Variants in LRP1B observed in about 807,000 individuals in gnomAD.
LRP1B encodes LDL receptor related protein 1B.
A neutral mutation model predicts 556.6 loss-of-function variants in LRP1B; 217 were observed. The observed-to-expected ratio is 0.39, with a 90% CI of 0.35 to 0.44. The LOEUF (loss-of-function observed/expected upper bound fraction) is 0.44. LRP1B is among the 20% of genes least tolerant of loss of function. The pLI is 1.00. For missense variants in LRP1B, 5,053 were observed against 5,620.8 expected, an observed-to-expected ratio of 0.90 and a Z score of 3.23; for synonymous variants, 2,047 against 1,865.8, an observed-to-expected ratio of 1.10 and a Z score of -2.50.
intron 1 of LRP1B, among the ~76,000 whole-genome samples, chr2:141,960,100 G>A (rs2105052436): frequency 6.6e-6 from 1 of 152,000 alleles, no homozygotes; most frequent in Non-Finnish European, 1.5e-5. Context: ...ATGTGTTGTA[G>A]GGCTTCATAA....
At chr2:140,820,985 C>CT (rs1173885712) in intron 31 of LRP1B, among the ~76,000 whole-genome samples, 1 of 147,948 alleles carries the variant, frequency 6.8e-6, no homozygotes, top group Non-Finnish European at 1.5e-5. Context: ...GGTTACAATT[C>CT]TTTTTTCTAA....
At chr2:140,397,575 T>C (rs777146471) in intron 66 of LRP1B, among the ~76,000 whole-genome samples, 2 of 152,196 alleles carry the variant, frequency 1.3e-5, no homozygotes, top group Non-Finnish European at 2.9e-5. Flanking sequence ...TGTTTCTGAC[T>C]ATAAATAAAA....
intron 3 of LRP1B, among the ~76,000 whole-genome samples, chr2:141,374,687 G>T (rs114827717): frequency 0.015 from 2,208 of 151,942 alleles, 56 homozygotes; most frequent in African/African-American, 0.051. Context: ...AATGTATTTT[G>T]CAATTCCTTC....
chr2:141,584,090 C>G (rs1027062803), intron 2 of LRP1B, among the ~76,000 whole-genome samples: 1 of 151,704 alleles, frequency 6.6e-6, no homozygotes, highest in Non-Finnish European at 1.5e-5. Flanking sequence ...AAATTTCCCC[C>G]CAACGTTAGC....
chr2:141,317,570 G>A (rs1194145768), intron 3 of LRP1B, among the ~76,000 whole-genome samples: 2 of 152,114 alleles, frequency 1.3e-5, no homozygotes, highest in Non-Finnish European at 2.9e-5. Flanking sequence ...TGGGGTTGAG[G>A]TGGGAGACAC....
At chr2:141,666,555 C>A (rs1322069981) in intron 2 of LRP1B, among the ~76,000 whole-genome samples, 2 of 152,164 alleles carry the variant, frequency 1.3e-5, no homozygotes, top group African/African-American at 2.4e-5. Context: ...AATATACCTC[C>A]ATTACCTTCT....
At chr2:140,728,092 A>T (rs1234078691) in intron 35 of LRP1B, among the ~76,000 whole-genome samples, 1 of 152,190 alleles carries the variant, frequency 6.6e-6, no homozygotes, top group Non-Finnish European at 1.5e-5. Flanking sequence ...TTTATCAAAT[A>T]AAAAATATAT....
intron 47 of LRP1B, among the ~76,000 whole-genome samples, chr2:140,533,472 A>T (rs1348243976): frequency 6.6e-6 from 1 of 152,110 alleles, no homozygotes; most frequent in Non-Finnish European, 1.5e-5. Context: ...AAACAGTATT[A>T]GCATGACTGA....
chr2:141,544,381 T>TCTTCTTCTTCTTCTCCTCCTCCTCCTC (rs1685463294), intron 2 of LRP1B, among the ~76,000 whole-genome samples: 1 of 79,756 alleles, frequency 1.3e-5, no homozygotes, highest in African/African-American at 4.3e-5. Context: ...TTCTTCTTCT[T>TCTTCTTCTTCTTCTCCTCCTCCTCCTC]CTCCTCCTCC....
chr2:140,463,413 A>G (rs556881662), intron 60 of LRP1B, among the ~76,000 whole-genome samples: 1 of 152,206 alleles, frequency 6.6e-6, no homozygotes, highest in Non-Finnish European at 1.5e-5. Context: ...ATTTAAAAAA[A>G]TTATTTCCTG....
At chr2:142,091,062 G>T (rs865813804) in intron 1 of LRP1B, among the ~76,000 whole-genome samples, 2 of 152,004 alleles carry the variant, frequency 1.3e-5, no homozygotes, top group Non-Finnish European at 2.9e-5. Context: ...ATGATTTTTT[G>T]ATTAATCACT....
intron 2 of LRP1B, among the ~76,000 whole-genome samples, chr2:141,588,586 T>C (rs1283909139): frequency 1.3e-5 from 2 of 152,182 alleles, no homozygotes; most frequent in African/African-American, 4.8e-5. Flanking sequence ...CCACATTCCA[T>C]ACAAGTTCCC....
At chr2:141,728,580 T>G (rs1693139996) in intron 2 of LRP1B, among the ~76,000 whole-genome samples, 1 of 152,120 alleles carries the variant, frequency 6.6e-6, no homozygotes, top group Admixed American at 6.6e-5. Flanking sequence ...CGGGAATAAG[T>G]CAGAGAGATC....
intron 3 of LRP1B, among the ~76,000 whole-genome samples, chr2:141,278,727 A>T (rs902612558): frequency 6.6e-6 from 1 of 152,178 alleles, no homozygotes; most frequent in African/African-American, 2.4e-5. Context: ...TCACAATTCC[A>T]TACATTCAAG....
chr2:140,364,860 T>A (rs2105152442), intron 71 of LRP1B, 77 bp from the exon 72 acceptor site: 4 of 1,369,854 alleles, frequency 2.9e-6, no homozygotes, highest in South Asian at 1.3e-5. Context: ...TTCTTCTGAA[T>A]CTTAGCAAAC....
At chr2:141,550,784 C>T (rs2105229172) in intron 2 of LRP1B, among the ~76,000 whole-genome samples, 1 of 152,102 alleles carries the variant, frequency 6.6e-6, no homozygotes, top group Non-Finnish European at 1.5e-5. Flanking sequence ...ATCTACCTTC[C>T]CCAATGTTTT....
intron 1 of LRP1B, among the ~76,000 whole-genome samples, chr2:141,934,706 C>T (rs116313366): frequency 0.012 from 1,809 of 152,050 alleles, 36 homozygotes; most frequent in African/African-American, 0.042. Flanking sequence ...GAGATCTGAT[C>T]GTTTTATAAG....
intron 1 of LRP1B, among the ~76,000 whole-genome samples, chr2:141,994,117 C>G (rs1402447916): frequency 6.6e-6 from 1 of 152,152 alleles, no homozygotes; most frequent in East Asian, 1.9e-4. Flanking sequence ...TGAGAGTTCT[C>G]TTCATGAGCA....
At chr2:140,873,388 C>G (rs1573827955) in intron 25 of LRP1B, among the ~76,000 whole-genome samples, 1 of 152,096 alleles carries the variant, frequency 6.6e-6, no homozygotes, top group African/African-American at 2.4e-5. Flanking sequence ...GTCTAGTCCA[C>G]AGGCAGTAAG....
Sources: allele counts gnomAD v4.1 joint callset (sites outside exome capture counted in the v4.1 genomes callset), GRCh38; gene constraint gnomAD v4.1.1; transcripts MANE v1.5; gene names NCBI Gene and HGNC (gene_info 2026-07-23, HGNC 2026-07-21).